CEP63: variants seen among roughly 807,000 people sequenced by gnomAD.
The protein encoded by CEP63 is centrosomal protein 63.
Under a neutral mutation model 89.1 loss-of-function variants are expected in CEP63, and 84 were observed. The ratio of observed to expected loss-of-function variants is 0.94; its 90% CI spans 0.79 to 1.13. The LOEUF is 1.13. CEP63 is among the 50% of genes most tolerant of loss of function. CEP63 has a pLI of 0.00. For synonymous variants in CEP63, 267 were observed against 272.5 expected (o/e 0.98, Z 0.20); for missense variants, 838 against 813.3 (o/e 1.03, Z -0.37).
At chr3:134,654,075 T>G in the CEP63 span, among the ~76,000 whole-genome samples, 1 of 152,224 alleles carries the variant, frequency 6.6e-6, no homozygotes, top group Non-Finnish European at 1.5e-5. Flanking sequence ...ACAGTCAAAA[T>G]AGTTGTATTG....
chr3:134,677,444 G>C, the CEP63 span, among the ~76,000 whole-genome samples: 3 of 152,148 alleles, frequency 2.0e-5, no homozygotes, highest in Non-Finnish European at 4.4e-5. Context: ...GCCACATGCA[G>C]CAGGTGCACC....
the CEP63 span, among the ~76,000 whole-genome samples, chr3:134,670,796 T>C: frequency 1.3e-5 from 2 of 152,212 alleles, no homozygotes; most frequent in South Asian, 2.1e-4. Context: ...GGAGGTATTG[T>C]ATAAATCATG....
the CEP63 span, among the ~76,000 whole-genome samples, chr3:134,746,462 G>T: frequency 1.3e-5 from 2 of 152,138 alleles, no homozygotes; most frequent in African/African-American, 4.8e-5. Context: ...GGGTCAAATG[G>T]CATTTCTAGT....
chr3:134,531,269 T>C (rs1170671503), intron 3 of CEP63, among the ~76,000 whole-genome samples: 1 of 152,120 alleles, frequency 6.6e-6, no homozygotes, highest in Non-Finnish European at 1.5e-5. Context: ...TGAAAAGGGT[T>C]GAGTAGGATA....
chr3:134,633,808 A>T, the CEP63 span, among the ~76,000 whole-genome samples: 1 of 152,128 alleles, frequency 6.6e-6, no homozygotes, highest in Non-Finnish European at 1.5e-5. Flanking sequence ...AGGAAGAAAT[A>T]AAACTGTCTT....
At chr3:134,735,673 A>T in the CEP63 span, among the ~76,000 whole-genome samples, 1 of 152,288 alleles carries the variant, frequency 6.6e-6, no homozygotes, top group East Asian at 1.9e-4. Flanking sequence ...CACCACAAAT[A>T]TTGATTTGGG....
chr3:134,601,731 C>T, the CEP63 span, among the ~76,000 whole-genome samples: 1 of 152,196 alleles, frequency 6.6e-6, no homozygotes, highest in African/African-American at 2.4e-5. Flanking sequence ...CCCTTTTGCT[C>T]GAGGCCGCCG....
chr3:134,724,254 A>G, the CEP63 span, among the ~76,000 whole-genome samples: 1 of 152,232 alleles, frequency 6.6e-6, no homozygotes, highest in Non-Finnish European at 1.5e-5. Context: ...CCCCAGTGTC[A>G]CTGTCCGTTC....
the CEP63 span, among the ~76,000 whole-genome samples, chr3:134,652,444 G>GCCCCCCCCCCCCCCC: frequency 2.1e-5 from 3 of 144,720 alleles, no homozygotes; most frequent in African/African-American, 5.2e-5. Context: ...CATTACCAGC[G>GCCCCCCCCCCCCCCC]CCCCCCCCCA....
chr3:134,676,757 G>A, the CEP63 span, among the ~76,000 whole-genome samples: 139,933 of 152,166 alleles, frequency 0.92, 64,397 homozygotes, highest in East Asian at 1. Context: ...CTTGGAATGT[G>A]TCAGTTATGT....
At chr3:134,725,141 A>G in the CEP63 span, among the ~76,000 whole-genome samples, 5 of 152,318 alleles carry the variant, frequency 3.3e-5, no homozygotes, top group African/African-American at 1.2e-4. Flanking sequence ...TTTTTTTAAA[A>G]TATATAATTT....
chr3:134,600,503 T>C, the CEP63 span, among the ~76,000 whole-genome samples: 1 of 152,176 alleles, frequency 6.6e-6, no homozygotes, highest in Non-Finnish European at 1.5e-5. Flanking sequence ...CATAATCAGA[T>C]TGAAAATGGA....
the CEP63 span, chr3:134,627,671 G>T: frequency 1.6e-6 from 2 of 1,245,174 alleles, no homozygotes; most frequent in East Asian, 4.7e-5. Context: ...AGTGGCCCAG[G>T]AAGCAACTGT....
At chr3:134,538,531 G>GTA (rs138354332) in intron 6 of CEP63, among the ~76,000 whole-genome samples, 31,193 of 99,562 alleles carry the variant, frequency 0.31, 5,601 homozygotes, top group South Asian at 0.38. Flanking sequence ...TTGTGTGTGT[G>GTA]TGTATATATA....
At chr3:134,730,858 A>G in the CEP63 span, among the ~76,000 whole-genome samples, 3 of 152,216 alleles carry the variant, frequency 2.0e-5, no homozygotes, top group Admixed American at 2.0e-4. Flanking sequence ...TTATACCTCA[A>G]TTAAACAAGG....
the CEP63 span, chr3:134,610,376 C>CG: frequency 3.1e-6 from 5 of 1,611,070 alleles, no homozygotes; most frequent in Non-Finnish European, 2.5e-6. Flanking sequence ...CACTGCACTC[C>CG]GGCGAGCCTG....
At chr3:134,649,446 G>A in the CEP63 span, among the ~76,000 whole-genome samples, 6 of 152,138 alleles carry the variant, frequency 3.9e-5, no homozygotes, top group African/African-American at 9.7e-5. Context: ...ACTAGGCCTC[G>A]CCACACACTG....
the CEP63 span, among the ~76,000 whole-genome samples, chr3:134,705,472 T>A: frequency 6.6e-6 from 1 of 152,094 alleles, no homozygotes; most frequent in Non-Finnish European, 1.5e-5. Flanking sequence ...CCCAAACATC[T>A]CCCATCAGGC....
downstream of CEP63, among the ~76,000 whole-genome samples, chr3:134,568,472 G>A (rs1957878290): frequency 6.6e-6 from 1 of 152,208 alleles, no homozygotes; most frequent in African/African-American, 2.4e-5. Context: ...CAGGGCAGTG[G>A]CTGGGGCAGG....
Sources: allele counts gnomAD v4.1 joint callset (sites outside exome capture counted in the v4.1 genomes callset), GRCh38; gene constraint gnomAD v4.1.1; transcripts MANE v1.5; gene names NCBI Gene and HGNC (gene_info 2026-07-23, HGNC 2026-07-21).